ST3GAL3: variants seen among roughly 807,000 people sequenced by gnomAD.
The protein encoded by ST3GAL3 is CMP-N-acetylneuraminate-beta-1,4-galactoside alpha-2,3-sialyltransferase.
ST3GAL3 carries 21 observed loss-of-function variants against 50.1 expected under a neutral mutation model. The observed-to-expected ratio is 0.42, with a 90% CI of 0.30 to 0.60. The LOEUF is 0.60. Among genes scored for constraint, ST3GAL3 ranks in the 20% least tolerant of loss-of-function variants. The probability of loss-of-function intolerance (pLI) is 0.19; values close to 1 mark genes in which losing one functional copy is unlikely to be tolerated. For synonymous variants in ST3GAL3, 183 were observed against 190.0 expected, an observed-to-expected ratio of 0.96 and a Z score of 0.30; for missense variants, 353 against 489.4, an observed-to-expected ratio of 0.72 and a Z score of 2.63.
At chr1:43,781,859 T>C (rs1004005460) in intron 2 of ST3GAL3, among the ~76,000 whole-genome samples, 1 of 152,200 alleles carries the variant, frequency 6.6e-6, no homozygotes, top group African/African-American at 2.4e-5. Flanking sequence ...TTGGGCAATC[T>C]ACTTCTTACT....
At chr1:43,865,901 G>A (rs776346098) in intron 5 of ST3GAL3, among the ~76,000 whole-genome samples, 35 of 152,194 alleles carry the variant, frequency 2.3e-4, no homozygotes, top group Non-Finnish European at 4.0e-4. Flanking sequence ...TTTTTGGCAC[G>A]GATTGGTGCC....
At chr1:43,844,425 A>G (rs958856088) in intron 5 of ST3GAL3, among the ~76,000 whole-genome samples, 1 of 152,234 alleles carries the variant, frequency 6.6e-6, no homozygotes, top group African/African-American at 2.4e-5. Context: ...ATTTGAAGGA[A>G]TTTAGCAGCT....
At chr1:43,710,256 A>C (rs1009074858) in intron 1 of ST3GAL3, among the ~76,000 whole-genome samples, 1 of 152,024 alleles carries the variant, frequency 6.6e-6, no homozygotes. Context: ...TAATTTTTGT[A>C]TTTTTAATAG....
At chr1:43,882,158 C>T (rs1196983647) in intron 5 of ST3GAL3, among the ~76,000 whole-genome samples, 1 of 152,216 alleles carries the variant, frequency 6.6e-6, no homozygotes, top group African/African-American at 2.4e-5. Flanking sequence ...TCAGGGAAGA[C>T]CTCAGAGAGG....
intron 9 of ST3GAL3, among the ~76,000 whole-genome samples, chr1:43,910,226 G>A (rs1169200431): frequency 6.6e-6 from 1 of 152,184 alleles, no homozygotes; most frequent in Non-Finnish European, 1.5e-5. Flanking sequence ...ACTACATGAT[G>A]GAGTATAAAG....
At chr1:43,841,261 G>A (rs2065328591) in intron 5 of ST3GAL3, 1 of 152,318 alleles carries the variant, frequency 6.6e-6, no homozygotes, top group Admixed American at 6.5e-5. Flanking sequence ...ACAAGGCAGT[G>A]TCCCAGTGGG....
chr1:43,800,945 G>A (rs1050303590), intron 3 of ST3GAL3, among the ~76,000 whole-genome samples: 3 of 152,070 alleles, frequency 2.0e-5, no homozygotes, highest in African/African-American at 7.2e-5. Context: ...TTTTGGCTAG[G>A]GTAGGTCCTC....
At chr1:43,771,730 TTGTGTGTGTGTGTGTGTG>T (rs143955404) in intron 2 of ST3GAL3, among the ~76,000 whole-genome samples, 1 of 145,022 alleles carries the variant, frequency 6.9e-6, no homozygotes, top group Non-Finnish European at 1.5e-5. Flanking sequence ...TTTAATAAAG[TTGTGTGTGTGTGTGTGTG>T]TGTGTGTGTG....
intron 2 of ST3GAL3, among the ~76,000 whole-genome samples, chr1:43,756,457 G>A (rs1688149332): frequency 6.6e-6 from 1 of 151,994 alleles, no homozygotes; most frequent in Non-Finnish European, 1.5e-5. Context: ...TTTATTATAT[G>A]TAAATTATTC....
intron 5 of ST3GAL3, among the ~76,000 whole-genome samples, chr1:43,876,247 A>G (rs998044837): frequency 1.3e-5 from 2 of 152,128 alleles, no homozygotes; most frequent in African/African-American, 4.8e-5. Context: ...TACAGGCATG[A>G]GCCACTGCGC....
Position 43,814,948 on chromosome 1 carries a change from A to G in ST3GAL3, c.209+15A>G, listed in dbSNP as rs1030590256. 6.2e-7 allele frequency: 1 copy of G among 1,613,630 alleles called. No homozygotes were observed. Among genetic ancestry groups the G allele is most frequent in the Non-Finnish European group, 8.5e-7 (1 of 1,179,678 alleles). On this transcript the variant is annotated intron_variant, in intron 4 of 11. Coordinates refer to ENST00000347631, the MANE Select transcript of ST3GAL3 (RefSeq NM_006279.5). ...GACTCTAAACTGTGAGTAGAATGAG[A>G]AGATACCTTGGCTCTGTGGCAGAGA...
intron 1 of ST3GAL3, chr1:43,719,170 G>T (rs1211062446): frequency 6.6e-6 from 1 of 152,226 alleles, no homozygotes; most frequent in Admixed American, 6.5e-5. Flanking sequence ...AATTTGAACA[G>T]ATAAGGTTTA....
At chr1:43,766,962 G>A (rs1391076909) in intron 2 of ST3GAL3, among the ~76,000 whole-genome samples, 4 of 152,172 alleles carry the variant, frequency 2.6e-5, no homozygotes, top group Non-Finnish European at 5.9e-5. Flanking sequence ...GGAGGGGCCT[G>A]GAAAAGGGCT....
At chr1:43,902,229 G>T (rs944897267) in intron 9 of ST3GAL3, among the ~76,000 whole-genome samples, 13 of 152,242 alleles carry the variant, frequency 8.5e-5, no homozygotes, top group Admixed American at 8.5e-4. Context: ...CCTGTCTGGA[G>T]CCTCACCTGC....
intron 5 of ST3GAL3, among the ~76,000 whole-genome samples, chr1:43,885,451 C>T (rs958993785): frequency 2.3e-4 from 35 of 152,268 alleles, no homozygotes; most frequent in African/African-American, 7.9e-4. Flanking sequence ...GGGGTGCTGG[C>T]GGGGCTGGCG....
At chr1:43,914,576 C>T (rs1011558868) in intron 9 of ST3GAL3, 2 of 152,208 alleles carry the variant, frequency 1.3e-5, no homozygotes, top group African/African-American at 2.4e-5. Flanking sequence ...TATCGTTTCA[C>T]CTTGGGATCT....
At chr1:43,807,560 G>T (rs2060049693) in intron 3 of ST3GAL3, among the ~76,000 whole-genome samples, 1 of 152,174 alleles carries the variant, frequency 6.6e-6, no homozygotes, top group Non-Finnish European at 1.5e-5. Context: ...GCAGGATTGT[G>T]ATATGGCCAT....
chr1:43,899,551 G>A lies in ST3GAL3; in HGVS notation c.568G>A (p.Ala190Thr), dbSNP rs1012044804. 6.2e-7 allele frequency: 1 copy of A among 1,613,002 alleles called. No homozygotes were observed. The highest frequency in any genetic ancestry group is 1.3e-5 in the African/African-American group (1 of 74,934). ...GCCTGCTCTCTGTAGACTGAATTCA[G>A]CACCAGTGAAAGGCTTTGAGAAGGA... is the stretch of plus-strand genomic sequence containing the variant. Reference protein sequence around the residue: ...DYDIVVRLNSAPVKGFEKDVG... With the variant: ...DYDIVVRLNSTPVKGFEKDVG... The change falls in exon 9 of 12, where the codon GCA (alanine) becomes ACA (threonine). Residue 190 changes from alanine to threonine, a missense_variant. Ala to Thr is a moderately conservative substitution (Grantham distance 58, BLOSUM62 0). Transcript: ENST00000347631. This position sits in a 1 kb window ranked among gnomAD's most constrained non-coding sequence, Gnocchi z 5.4.
chr1:43,801,487 G>T, intron 3 of ST3GAL3: 1 of 417,134 alleles, frequency 2.4e-6, no homozygotes, highest in South Asian at 1.7e-5. Context: ...TCTCTCTTTT[G>T]TCCTGGAACA....
Sources: gnomAD v4.1 joint callset for allele counts (sites outside exome capture counted in the v4.1 genomes callset) on GRCh38, gnomAD v4.1.1 for gene constraint, Gnocchi (gnomAD v3.1) non-coding constraint, MANE v1.5 for transcripts, NCBI Gene and HGNC (gene_info 2026-07-23, HGNC 2026-07-21) for gene names.